The following FBF1 variants were observed in gnomAD, a reference collection of about 807,000 sequenced individuals.
The protein encoded by FBF1 is Fas binding factor 1, also known as fas-binding factor 1.
In FBF1, 119 loss-of-function variants were observed where a neutral mutation model predicts 147.2. The ratio of observed to expected loss-of-function variants is 0.81; its 90% confidence interval spans 0.70 to 0.94. The LOEUF is 0.94. Ranked by LOEUF, FBF1 falls within the 40% of genes least tolerant of loss-of-function variation. The probability of loss-of-function intolerance (pLI) is 0.00; values close to 1 mark genes in which losing one functional copy is unlikely to be tolerated. For missense variants in FBF1, 1,449 were observed against 1,500.8 expected, an observed-to-expected ratio of 0.97 and a Z score of 0.57; for synonymous variants, 601 against 609.0, an observed-to-expected ratio of 0.99 and a Z score of 0.19.
In FBF1 at chr17:75,918,801, C is replaced by CT. The variant is rs2065505439; in HGVS notation, c.2139-533dup. Among the ~76,000 whole-genome samples, 1 of 146,174 alleles carries CT rather than the reference C, an allele frequency of 6.8e-6. No individual in the cohort carries two copies. The highest frequency in any genetic ancestry group is 2.6e-5 in the African/African-American group (1 of 39,094). ...GCCACCACGCCCGGCCCCAAGCAGT[C>CT]TTTCTTTTTTTTTTTTTTTTTCCTA... On this transcript the variant is annotated intron_variant, in intron 20 of 29. Transcript: ENST00000636174. This position sits in a 1 kb window ranked among gnomAD's most constrained non-coding sequence, Gnocchi z 5.8.
At chr17:75,930,304 TC>T (rs1318715910) in intron 6 of FBF1, among the ~76,000 whole-genome samples, 1 of 152,156 alleles carries the variant, frequency 6.6e-6, no homozygotes, top group East Asian at 1.9e-4. Flanking sequence ...AGAGAACTCT[TC>T]CATCCAGGAC....
At chr17:75,938,740 C>A (rs570715325) in intron 1 of FBF1, among the ~76,000 whole-genome samples, 2 of 151,884 alleles carry the variant, frequency 1.3e-5, no homozygotes, top group African/African-American at 4.8e-5. Context: ...GTGGCAGGCA[C>A]CTGTAATCCC....
chr17:75,914,942 G>C lies in FBF1; in HGVS notation c.2629-10C>G. 6.2e-7 allele frequency: 1 copy of C among 1,611,254 alleles called. No individual in the cohort carries two copies. Among genetic ancestry groups the C allele is most frequent in the Non-Finnish European group, 8.5e-7 (1 of 1,178,594 alleles). Reference sequence around the variant, plus strand: ...CCTCCAGCAAGGCGCTCTGGGATGTGGGGGTGAAGGCACGGGGTGAGTGTC... The same window carrying C: ...CCTCCAGCAAGGCGCTCTGGGATGTCGGGGTGAAGGCACGGGGTGAGTGTC... On this transcript the variant is annotated splice_polypyrimidine_tract_variant and intron_variant, in intron 24 of 29. Transcript: ENST00000636174.
At chr17:75,913,852 C>G (rs776363193) in intron 27 of FBF1, 33 bp from the exon 28 acceptor site, 1 of 1,577,598 alleles carries the variant, frequency 6.3e-7, no homozygotes, top group Admixed American at 1.8e-5. Context: ...AAGGACTCAG[C>G]TGTGAGGTGG....
rs759779543 is a variant in FBF1, at chr17:75,923,620, G to A, written c.990C>T (p.Gly330=). Residue 330 remains glycine (G), a synonymous_variant, in exon 14 of 30, where the codon GGC becomes GGT. Transcript: ENST00000636174. This position sits in a 1 kb window ranked among gnomAD's most constrained non-coding sequence, Gnocchi z 4.1. ...AGCCTGGTTCTCCCTTGGGGTCTGC[G>A]CCACTGTCTGCGAAGAACCTACTTC... ...QSVSRFFADS[G]ADPKGEPGSK... 1.8e-5 allele frequency: 29 copies of A among 1,606,298 alleles called. No individual in the cohort carries two copies. The highest frequency in any genetic ancestry group is 1.6e-4 in the Middle Eastern group (1 of 6,078).
At chr17:75,921,860 A>G (rs1404833729) in intron 15 of FBF1, 85 bp downstream of exon 15, 1 of 1,225,420 alleles carries the variant, frequency 8.2e-7, no homozygotes, top group Non-Finnish European at 1.1e-6. Flanking sequence ...GGCAGGGTGA[A>G]CAGCCTCTGT....
At chr17:75,932,950 T>C (rs2065603110) in intron 5 of FBF1, 45 bp downstream of exon 5, 4 of 1,386,658 alleles carry the variant, frequency 2.9e-6, no homozygotes, top group Admixed American at 3.7e-5. Flanking sequence ...AGAGAGCATT[T>C]AGACTGAAGT....
chr17:75,917,761 GC>G lies in FBF1; in HGVS notation c.2475del (p.Leu826Ter), dbSNP rs1389945159. 1 of 1,607,882 alleles carries G rather than the reference GC, an allele frequency of 6.2e-7. No individual in the cohort carries two copies. The highest frequency in any genetic ancestry group is 8.5e-7 in the Non-Finnish European group (1 of 1,178,228). On this transcript the variant is annotated frameshift_variant, in exon 23 of 30. Coordinates refer to ENST00000636174, the MANE Select transcript of FBF1 (RefSeq NM_001319193.2). LOFTEE classifies it high-confidence loss of function. Reference sequence around the variant, plus strand: ...TCCAGCAGCCGGCTCTGCTCATTCAGCCGTGCCTCCATCTTCCCGATGACCT... The same window carrying G: ...TCCAGCAGCCGGCTCTGCTCATTCAGCGTGCCTCCATCTTCCCGATGACCT... Reference protein sequence around the residue: ...QQEVIGKMEARLNEQSRLLEQ... With the variant: ...QQEVIGKMEAXLNEQSRLLEQ...
In FBF1 at chr17:75,909,604, CG is replaced by C. The variant is rs2065446291; in HGVS notation, c.*1118del. 1 of 512,474 alleles carries C rather than the reference CG, an allele frequency of 2.0e-6. No homozygotes were observed. The highest frequency in any genetic ancestry group is 3.5e-5 in the South Asian group (1 of 28,318). 31.7% of individuals were successfully genotyped at this position (512,474 alleles called of 1,614,324 possible). ...TTTCAGGCAGGTTATTTAATCTCCC[CG>C]GGCCTCAGTTTCTGCATGTTTGAAG... On this transcript the variant is annotated 3_prime_UTR_variant, in exon 30 of 30. Transcript: ENST00000636174.
At chr17:75,921,185 C>G (rs1169498033) in intron 17 of FBF1, 59 bp downstream of exon 17, 3 of 1,520,494 alleles carry the variant, frequency 2.0e-6, no homozygotes, top group Middle Eastern at 1.7e-4. Flanking sequence ...GGTATTGCCC[C>G]TGGGCATGGA....
rs2065448559 is a variant in FBF1 at position 75,910,069 on chromosome 17, G to A, written c.*654C>T. On this transcript the variant is annotated 3_prime_UTR_variant, in exon 30 of 30. Transcript: ENST00000636174. This position sits in a 1 kb window ranked among gnomAD's most constrained non-coding sequence, Gnocchi z 4.1. Reference sequence around the variant, plus strand: ...CCGCCGCCGGTGGGGCACCCAGATGGGGAGGAAGCTGAGGAGGCCACTGTT... The same window carrying A: ...CCGCCGCCGGTGGGGCACCCAGATGAGGAGGAAGCTGAGGAGGCCACTGTT... 1 of 619,194 alleles carries A rather than the reference G, an allele frequency of 1.6e-6. No individual in the cohort carries two copies. Among genetic ancestry groups the A allele is most frequent in the African/African-American group, 1.8e-5 (1 of 55,712 alleles). 38.4% of individuals were successfully genotyped at this position (619,194 alleles called of 1,614,324 possible).
chr17:75,930,152 G>T, intron 6 of FBF1, 105 bp from the exon 7 acceptor site: 1 of 837,346 alleles, frequency 1.2e-6, no homozygotes, highest in Non-Finnish European at 2.0e-6. Context: ...CAGACGGCGC[G>T]GCAGGAGCAG....
At chr17:75,929,187 T>A (rs565431014) in intron 7 of FBF1, among the ~76,000 whole-genome samples, 59 of 152,230 alleles carry the variant, frequency 3.9e-4, no homozygotes, top group African/African-American at 1.0e-3. Flanking sequence ...AAGCTGAATC[T>A]GGACCGGGTG....
At chr17:75,911,879 T>C (rs572135606) in intron 29 of FBF1, among the ~76,000 whole-genome samples, 16 of 152,334 alleles carry the variant, frequency 1.1e-4, no homozygotes, top group Admixed American at 2.0e-4. Context: ...CTCAAACTCC[T>C]GGGCTCAAGT....
chr17:75,938,537 C>T (rs1373941133), intron 1 of FBF1, among the ~76,000 whole-genome samples: 3 of 113,380 alleles, frequency 2.6e-5, no homozygotes, highest in Admixed American at 2.5e-4. Context: ...ACCTAGGCAA[C>T]AGAGTGAGAC....
rs760384213 is a variant in FBF1 at position 75,926,153 on chromosome 17, G to A, written c.745C>T (p.Arg249Cys). The A allele has an allele frequency of 9.3e-6, 15 of 1,608,490 alleles. No individual in the cohort carries two copies. The highest frequency in any genetic ancestry group is 3.4e-5 in the Admixed American group (2 of 59,134). Residue 249 changes from arginine to cysteine, a missense_variant, in exon 12 of 30, where the codon CGC becomes TGC. By Grantham distance (180) the Arg-to-Cys change is radical. Transcript: ENST00000636174. The stretch of plus-strand genomic sequence containing the variant: ...TCATCCAGCGTGGAGCGAGCAGGGC[G>A]AGGCCCTTCCCTGCAGGACGGGACA... The part of the protein sequence containing the change: ...KRQIGDQEGP[R>C]PARSTLDELL...
chr17:75,924,750 T>C (rs571918435), intron 13 of FBF1, among the ~76,000 whole-genome samples: 79 of 152,180 alleles, frequency 5.2e-4, no homozygotes, highest in Non-Finnish European at 1.1e-3. Context: ...ACTGCTGAGA[T>C]TACAGGCATG....
At position 75,913,669 on chromosome 17, in the gene FBF1, G is replaced by A. The variant is rs1402153494; in HGVS notation, c.3247+33C>T. Reference sequence around the variant, plus strand: ...CCTAGCACTGCCCCTGCCCAGTCCTGAGCCGCCGGCCCTTCCTTCTGGAGC... The same window carrying A: ...CCTAGCACTGCCCCTGCCCAGTCCTAAGCCGCCGGCCCTTCCTTCTGGAGC... On this transcript the variant is annotated intron_variant, in intron 28 of 29. Coordinates refer to ENST00000636174, the MANE Select transcript of FBF1 (RefSeq NM_001319193.2). The A allele has an allele frequency of 7.8e-6, 12 of 1,539,766 alleles. No homozygotes were observed. The Admixed American group carries it at 1.9e-4, about 25-fold the overall frequency.
rs2065448621 is a variant in FBF1 at position 75,910,077 on chromosome 17, G to T, written c.*646C>A. The stretch of plus-strand genomic sequence containing the variant: ...GGTGGGGCACCCAGATGGGGAGGAA[G>T]CTGAGGAGGCCACTGTTCACCCAAA... On this transcript the variant is annotated 3_prime_UTR_variant, in exon 30 of 30. Transcript: ENST00000636174. This position sits in a 1 kb window ranked among gnomAD's most constrained non-coding sequence, Gnocchi z 4.1. 1.7e-6 allele frequency: 1 copy of T among 604,922 alleles called. No homozygotes were observed. Among genetic ancestry groups the T allele is most frequent in the Non-Finnish European group, 3.1e-6 (1 of 323,818 alleles). The allele number at this position is 604,922 out of a possible 1,614,324, so 37.5% of individuals were successfully genotyped here.
Sources: allele counts gnomAD v4.1 joint callset (sites outside exome capture counted in the v4.1 genomes callset), GRCh38; gene constraint gnomAD v4.1.1; non-coding constraint Gnocchi (gnomAD v3.1); transcripts MANE v1.5; gene names NCBI Gene and HGNC (gene_info 2026-07-23, HGNC 2026-07-21).